Variants in ACADSB observed in about 807,000 individuals in gnomAD.
The protein encoded by ACADSB is acyl-CoA dehydrogenase short/branched chain, also known as short/branched chain specific acyl-CoA dehydrogenase, mitochondrial.
In ACADSB, 40 loss-of-function variants were observed where a neutral mutation model predicts 54.1. That is an observed-to-expected ratio of 0.74 (90% CI 0.57 to 0.96). The LOEUF (loss-of-function observed/expected upper bound fraction) is 0.96. ACADSB is among the 40% of genes least tolerant of loss of function. The pLI, the probability that ACADSB is intolerant of heterozygous loss-of-function variation, is 0.00. For missense variants in ACADSB, 530 were observed against 510.4 expected (o/e 1.04, Z -0.37); for synonymous variants, 182 against 182.8 (o/e 1.00, Z 0.03).
chr10:123,056,240 A>T lies in ACADSB; in HGVS notation c.*2475A>T. 1 of 187,334 alleles carries T rather than the reference A, an allele frequency of 5.3e-6. No individual in the cohort carries two copies. Among genetic ancestry groups the T allele is most frequent in the South Asian group, 1.2e-4 (1 of 8,510 alleles). The allele number at this position is 187,334 out of a possible 1,614,324, so 11.6% of individuals were successfully genotyped here. On this transcript the variant is annotated 3_prime_UTR_variant, in exon 11 of 11. Coordinates refer to ENST00000358776, the MANE Select transcript of ACADSB (RefSeq NM_001609.4). ...ATTCCTCAAGATTGTGAAGAAAAAG[A>T]GGTTTAATTGGACTTACAGTTCCAC...
intron 8 of ACADSB, among the ~76,000 whole-genome samples, chr10:123,047,730 T>C (rs2133489139): frequency 6.6e-6 from 1 of 152,364 alleles, no homozygotes; most frequent in East Asian, 1.9e-4. Context: ...GAGGTATGTG[T>C]AAAGTGTTTC....
At position 123,035,912 on chromosome 10, in the gene ACADSB, G is replaced by A. The variant is rs142289769; in HGVS notation, c.202+1397G>A. Among the ~76,000 whole-genome samples the A allele has an allele frequency of 4.9e-3, 746 of 152,208 alleles. 3 individuals carry two copies. The highest frequency in any genetic ancestry group is 0.017 in the African/African-American group (710 of 41,520). Reference sequence around the variant, plus strand: ...CCTTTTTTAAGGGCTCACCTGATTAGGTCAGGCCCACCAATCTCCATGTTT... The same window carrying A: ...CCTTTTTTAAGGGCTCACCTGATTAAGTCAGGCCCACCAATCTCCATGTTT... On this transcript the variant is annotated intron_variant, in intron 2 of 10. Coordinates refer to ENST00000358776, the MANE Select transcript of ACADSB (RefSeq NM_001609.4).
At chr10:123,045,156 TATATATATATATA>T (rs1282291118) in intron 7 of ACADSB, among the ~76,000 whole-genome samples, 161 of 14,062 alleles carry the variant, frequency 0.011, 1 homozygote, top group South Asian at 0.037. Context: ...TATATATATA[TATATATATATATA>T]TATTTTTTTT....
chr10:123,036,079 A>T (rs1180689637), intron 2 of ACADSB, among the ~76,000 whole-genome samples: 1 of 152,098 alleles, frequency 6.6e-6, no homozygotes, highest in Non-Finnish European at 1.5e-5. Context: ...CACAATAAGT[A>T]AATTTCTTTT....
At chr10:123,023,579 A>G (rs1382861622) in intron 1 of ACADSB, among the ~76,000 whole-genome samples, 2 of 152,146 alleles carry the variant, frequency 1.3e-5, no homozygotes, top group South Asian at 2.1e-4. Flanking sequence ...TGTATGCCCC[A>G]ATAGATAATC....
In ACADSB at chr10:123,044,504, C is replaced by T; in HGVS notation, c.900+19C>T. On this transcript the variant is annotated intron_variant, in intron 7 of 10. Coordinates refer to ENST00000358776, the MANE Select transcript of ACADSB (RefSeq NM_001609.4). Reference sequence around the variant, plus strand: ...TGCACAGGTAAGTCAGATTTAAACTCTTCCATGATGTGAGTCAATTAAACT... The same window carrying T: ...TGCACAGGTAAGTCAGATTTAAACTTTTCCATGATGTGAGTCAATTAAACT... 6.3e-7 allele frequency: 1 copy of T among 1,576,686 alleles called. No homozygotes were observed. The highest frequency in any genetic ancestry group is 8.7e-7 in the Non-Finnish European group (1 of 1,146,148).
At chr10:123,040,353 AAAAAAT>A in intron 3 of ACADSB, 107 bp from the exon 4 acceptor site, 3 of 890,246 alleles carry the variant, frequency 3.4e-6, no homozygotes, top group Non-Finnish European at 4.8e-6. Context: ...TGTCTCAAAA[AAAAAAT>A]AATAATAATA....
chr10:123,013,762 A>G (rs2133453825), intron 1 of ACADSB, among the ~76,000 whole-genome samples: 2 of 152,246 alleles, frequency 1.3e-5, no homozygotes, highest in Middle Eastern at 6.8e-3. Context: ...TAAGCCCCTC[A>G]CTGCCCGGGG....
rs375217368 is a variant in ACADSB at position 123,040,532 on chromosome 10, G to C, written c.370G>C (p.Val124Leu). 20 of 1,614,036 alleles carry C rather than the reference G, an allele frequency of 1.2e-5. No homozygotes were observed. The highest frequency in any genetic ancestry group is 1.7e-4 in the Middle Eastern group (1 of 6,060). ...AGCTTCATTTTTATCCACTGTGCTC[G>C]TGATAGAGGAATTAGCCAAAGTTGA... ...TGASFLSTVLVIEELAKVDAS... is the reference protein window; with the variant it reads ...TGASFLSTVLLIEELAKVDAS... The change falls in exon 4 of 11, where the codon GTG becomes CTG. Residue 124 changes from valine to leucine, a missense_variant. Transcript: ENST00000358776.
At position 123,057,606 on chromosome 10, in the gene ACADSB, G is replaced by A. The variant is rs1429665543; in HGVS notation, c.*3841G>A. ...AAGATAAAGAACTATTTGAGCAGATGTGTGTGGGTGGCACTGGATTCCACC... is the reference window on the plus strand; with the variant it reads ...AAGATAAAGAACTATTTGAGCAGATATGTGTGGGTGGCACTGGATTCCACC... On this transcript the variant is annotated 3_prime_UTR_variant, in exon 11 of 11. Transcript: ENST00000358776. 6.6e-6 allele frequency: 1 copy of A among 152,214 alleles called. No individual in the cohort carries two copies. The highest frequency in any genetic ancestry group is 1.9e-4 in the East Asian group (1 of 5,194). 9.4% of individuals were successfully genotyped at this position (152,214 alleles called of 1,614,324 possible).
chr10:123,027,824 G>C (rs1342639807), intron 1 of ACADSB, among the ~76,000 whole-genome samples: 1 of 152,206 alleles, frequency 6.6e-6, no homozygotes, highest in East Asian at 1.9e-4. Context: ...CCACAACAGT[G>C]TCTTCCCTGA....
At chr10:123,048,812 T>G (rs1850592805) in intron 8 of ACADSB, among the ~76,000 whole-genome samples, 1 of 152,132 alleles carries the variant, frequency 6.6e-6, no homozygotes, top group Admixed American at 6.5e-5. Context: ...CACTGCAAGC[T>G]CTGCCTCCCA....
At chr10:123,042,047 C>T (rs1347867308) in intron 5 of ACADSB, among the ~76,000 whole-genome samples, 1 of 150,314 alleles carries the variant, frequency 6.7e-6, no homozygotes, top group African/African-American at 2.5e-5. Context: ...CTCACTGCAA[C>T]CTCCTCCTCC....
intron 1 of ACADSB, among the ~76,000 whole-genome samples, chr10:123,019,319 C>G (rs1850146765): frequency 6.6e-6 from 1 of 152,172 alleles, no homozygotes; most frequent in Non-Finnish European, 1.5e-5. Flanking sequence ...CAGAGAGAGG[C>G]TCTCTGAAAG....
chr10:123,027,633 A>G (rs1319046431), intron 1 of ACADSB: 3 of 429,350 alleles, frequency 7.0e-6, no homozygotes, highest in Non-Finnish European at 1.4e-5. Flanking sequence ...AGTCGCAGGT[A>G]TGTCTTTATC....
At chr10:123,043,278 C>T in intron 6 of ACADSB, 107 bp downstream of exon 6, 1 of 1,361,962 alleles carries the variant, frequency 7.3e-7, no homozygotes, top group Non-Finnish European at 1.0e-6. Context: ...GCTATAAGCA[C>T]ACGCAGGAGA....
At chr10:123,053,603 A>T in intron 10 of ACADSB, 92 bp from the exon 11 acceptor site, 1 of 1,090,686 alleles carries the variant, frequency 9.2e-7, no homozygotes, top group Non-Finnish European at 1.4e-6. Context: ...TAACTGTTTT[A>T]TAGCAAGCGC....
At chr10:123,041,511 G>T (rs1850473864) in intron 5 of ACADSB, 132 bp downstream of exon 5, 1 of 900,308 alleles carries the variant, frequency 1.1e-6, no homozygotes, top group South Asian at 1.6e-5. Flanking sequence ...GAAAATGTCA[G>T]ACTTGAGCTG....
chr10:123,043,042 T>G lies in ACADSB; in HGVS notation c.682-4T>G, dbSNP rs1261760319. The G allele has an allele frequency of 6.2e-7, 1 of 1,613,412 alleles. No individual in the cohort carries two copies. The stretch of plus-strand genomic sequence containing the variant: ...GGTAATAGCGTTTTAATTCTTCTTT[T>G]TAGGGATATAAGGGAATTACCTCCT... On this transcript the variant is annotated splice_region_variant and splice_polypyrimidine_tract_variant and intron_variant, in intron 5 of 10. Transcript: ENST00000358776.
Sources: allele counts gnomAD v4.1 joint callset (sites outside exome capture counted in the v4.1 genomes callset), GRCh38; gene constraint gnomAD v4.1.1; transcripts MANE v1.5; gene names NCBI Gene and HGNC (gene_info 2026-07-23, HGNC 2026-07-21).